The following CRACDL variants were observed in gnomAD, a reference collection of about 807,000 sequenced individuals.
CRACDL encodes CRACD-like protein.
CRACDL carries 26 observed loss-of-function variants against 70.6 expected under a neutral mutation model. The ratio of observed to expected loss-of-function variants is 0.37; its 90% confidence interval spans 0.27 to 0.51. The LOEUF is 0.51. CRACDL is among the 20% of genes least tolerant of loss of function. The pLI is 0.94. For synonymous variants in CRACDL, 618 were observed against 615.2 expected, an observed-to-expected ratio of 1.00 and a Z score of -0.07; for missense variants, 1,283 against 1,376.9, an observed-to-expected ratio of 0.93 and a Z score of 1.08.
At chr2:98,882,444 T>G (rs1159675389) in intron 1 of CRACDL, among the ~76,000 whole-genome samples, 1 of 152,218 alleles carries the variant, frequency 6.6e-6, no homozygotes, top group African/African-American at 2.4e-5. Flanking sequence ...GTGAAGCTCA[T>G]GGATTTTCAG....
At chr2:98,865,487 C>G (rs1311104269) in intron 1 of CRACDL, among the ~76,000 whole-genome samples, 1 of 152,070 alleles carries the variant, frequency 6.6e-6, no homozygotes, top group Non-Finnish European at 1.5e-5. Context: ...ATCAATTTTT[C>G]CCTTTCCTGG....
intron 1 of CRACDL, chr2:98,912,955 T>C (rs1021385787): frequency 1.3e-5 from 2 of 152,280 alleles, no homozygotes; most frequent in Non-Finnish European, 2.9e-5. Flanking sequence ...TGCAGCCATA[T>C]ACTCATAGCA....
chr2:98,856,761 C>T (rs1411928808), intron 1 of CRACDL, among the ~76,000 whole-genome samples: 3 of 152,196 alleles, frequency 2.0e-5, no homozygotes, highest in African/African-American at 7.2e-5. Flanking sequence ...GCCTCAACGT[C>T]CTCACAAACA....
At chr2:98,928,955 C>T (rs1465023099) in intron 1 of CRACDL, among the ~76,000 whole-genome samples, 1 of 152,124 alleles carries the variant, frequency 6.6e-6, no homozygotes, top group East Asian at 1.9e-4. Flanking sequence ...ATCACCCAGC[C>T]CCATGGAGAG....
At chr2:98,900,878 G>A (rs1216984436) in intron 1 of CRACDL, among the ~76,000 whole-genome samples, 1 of 152,168 alleles carries the variant, frequency 6.6e-6, no homozygotes, top group African/African-American at 2.4e-5. Flanking sequence ...AGAGACTCCA[G>A]TGTGGCTGCG....
At chr2:98,891,066 T>TAAATAAATAAATAAAAAA (rs1707959451) in intron 1 of CRACDL, among the ~76,000 whole-genome samples, 1 of 150,480 alleles carries the variant, frequency 6.6e-6, no homozygotes, top group Non-Finnish European at 1.5e-5. Context: ...AATAAATAAA[T>TAAATAAATAAATAAAAAA]AAATAAATAA....
chr2:98,795,077 A>ATTTTTTTTTTTTTTT (rs1181969802), intron 9 of CRACDL, among the ~76,000 whole-genome samples: 611 of 58,420 alleles, frequency 0.01, 104 homozygotes, highest in Non-Finnish European at 0.016. Flanking sequence ...ATATATATAT[A>ATTTTTTTTTTTTTTT]TTTTTTTTTT....
intron 1 of CRACDL, among the ~76,000 whole-genome samples, chr2:98,911,134 C>T (rs1306063812): frequency 6.6e-6 from 1 of 152,242 alleles, no homozygotes; most frequent in South Asian, 2.1e-4. Flanking sequence ...TGCTCCTGCT[C>T]TCGTCACAGG....
intron 1 of CRACDL, among the ~76,000 whole-genome samples, chr2:98,919,988 A>C (rs1708762652): frequency 6.6e-6 from 1 of 152,182 alleles, no homozygotes; most frequent in South Asian, 2.1e-4. Context: ...TCCTGGCCTC[A>C]AGCGATCCTC....
chr2:98,846,011 C>G (rs1314431451), intron 2 of CRACDL, among the ~76,000 whole-genome samples: 1 of 152,106 alleles, frequency 6.6e-6, no homozygotes, highest in Non-Finnish European at 1.5e-5. Context: ...CAAAGAAAAT[C>G]ACTACTGGCA....
chr2:98,797,506 A>C lies in CRACDL; in HGVS notation c.2448T>G (p.Pro816=). The C allele has an allele frequency of 6.2e-7, 1 of 1,614,126 alleles. No homozygotes were observed. The highest frequency in any genetic ancestry group is 1.6e-4 in the Middle Eastern group (1 of 6,062). The change falls in exon 8 of 10, where the codon CCT becomes CCG. Residue 816 remains proline (P), a synonymous_variant. Transcript: ENST00000397899. ...GTGGCGCAGGCTGCCCATCAGCTCC[A>C]GGCCCTGTTGCTGCAGGCGGCAGAC... The part of the protein sequence containing the change: ...EKSLPPAATG[P]GADGQPAPPW...
chr2:98,856,168 CAG>C (rs2104560610), intron 1 of CRACDL, among the ~76,000 whole-genome samples: 1 of 152,158 alleles, frequency 6.6e-6, no homozygotes, highest in East Asian at 1.9e-4. Context: ...CTCACAGACA[CAG>C]AGTGAAAATG....
At chr2:98,795,077 A>ATATATATTTTT in intron 9 of CRACDL, among the ~76,000 whole-genome samples, 2 of 58,494 alleles carry the variant, frequency 3.4e-5, no homozygotes, top group African/African-American at 1.3e-4. Context: ...ATATATATAT[A>ATATATATTTTT]TTTTTTTTTT....
chr2:98,881,506 C>T (rs572064232), intron 1 of CRACDL, among the ~76,000 whole-genome samples: 6 of 152,336 alleles, frequency 3.9e-5, no homozygotes, highest in East Asian at 1.9e-4. Flanking sequence ...AGCCCAGCTG[C>T]TGGCAGTGGG....
chr2:98,885,314 GTCTC>G (rs530033819), intron 1 of CRACDL, among the ~76,000 whole-genome samples: 1 of 152,152 alleles, frequency 6.6e-6, no homozygotes, highest in African/African-American at 2.4e-5. Context: ...TGATTTAAAG[GTCTC>G]TCTTTTAACT....
chr2:98,927,152 C>G (rs867227850), intron 1 of CRACDL, among the ~76,000 whole-genome samples: 26 of 152,304 alleles, frequency 1.7e-4, no homozygotes, highest in Middle Eastern at 6.8e-3. Flanking sequence ...TCTGGTTTCC[C>G]CTGTGGACGG....
At chr2:98,877,469 T>G in intron 1 of CRACDL, among the ~76,000 whole-genome samples, 1 of 152,086 alleles carries the variant, frequency 6.6e-6, no homozygotes, top group East Asian at 1.9e-4. Flanking sequence ...AAAATAAATT[T>G]AGTTGGTGGC....
At chr2:98,905,987 T>C (rs953011153) in intron 1 of CRACDL, among the ~76,000 whole-genome samples, 3 of 152,260 alleles carry the variant, frequency 2.0e-5, no homozygotes, top group Non-Finnish European at 4.4e-5. Context: ...TAGGCTGATA[T>C]TTTTTCATCA....
chr2:98,900,007 A>G (rs1267136742), intron 1 of CRACDL, among the ~76,000 whole-genome samples: 6 of 130,934 alleles, frequency 4.6e-5, no homozygotes, highest in Admixed American at 2.4e-4. Context: ...GCAGGAGGGG[A>G]GGCAGGAGGA....
Sources: allele counts gnomAD v4.1 joint callset (sites outside exome capture counted in the v4.1 genomes callset), GRCh38; gene constraint gnomAD v4.1.1; transcripts MANE v1.5; gene names NCBI Gene and HGNC (gene_info 2026-07-23, HGNC 2026-07-21).